UBN2: variants seen among roughly 807,000 people sequenced by gnomAD.
UBN2 encodes the protein ubinuclein 2.
In UBN2, 35 loss-of-function variants were observed where a neutral mutation model predicts 120.2. The ratio of observed to expected loss-of-function variants is 0.29; its 90% CI spans 0.22 to 0.39. UBN2 has a LOEUF of 0.39. Among genes scored for constraint, UBN2 ranks in the 10% least tolerant of loss-of-function variants. The pLI is 1.00. For missense variants in UBN2, 1,693 were observed against 1,663.2 expected (o/e 1.02, Z -0.31); for synonymous variants, 661 against 648.7 (o/e 1.02, Z -0.29).
At chr7:139,325,419 T>C in the UBN2 span, among the ~76,000 whole-genome samples, 53,921 of 151,574 alleles carry the variant, frequency 0.36, 11,937 homozygotes, top group African/African-American at 0.61. Context: ...AGGTGCCCAC[T>C]ACCACGCTCA....
rs2131064245 is a variant in UBN2 at position 139,293,182 on chromosome 7, AT to A, written c.3670-47del. On this transcript the variant is annotated intron_variant, in intron 15 of 17. Transcript: ENST00000473989. ...TGAGGATATTATAGAAAATAAATCA[AT>A]TTGGGTTGCTTTATTTCTTATGTAT... 3 of 1,457,738 alleles carry A rather than the reference AT, an allele frequency of 2.1e-6. No homozygotes were observed. In the East Asian group the frequency reaches 6.8e-5, roughly 33 times the overall value. The allele number at this position is 1,457,738 out of a possible 1,614,324, so 90.3% of individuals were successfully genotyped here.
chr7:139,240,536 G>C (rs1796293566), intron 2 of UBN2, among the ~76,000 whole-genome samples: 3 of 150,506 alleles, frequency 2.0e-5, no homozygotes, highest in South Asian at 4.2e-4. Context: ...ACATTGTCCT[G>C]CTGGGCGTTA....
chr7:139,293,763 C>T, intron 16 of UBN2, 126 bp from the exon 17 acceptor site: 2 of 829,950 alleles, frequency 2.4e-6, no homozygotes, highest in Non-Finnish European at 3.9e-6. Context: ...CAAAAACGTG[C>T]TCTAGTTTTA....
intron 13 of UBN2, 137 bp from the exon 14 acceptor site, chr7:139,281,868 C>A: frequency 1.4e-6 from 1 of 699,098 alleles, no homozygotes. Flanking sequence ...CATTTGTGAC[C>A]TTAATGCAGT....
chr7:139,264,928 T>G (rs1006247659), intron 6 of UBN2, among the ~76,000 whole-genome samples: 4 of 152,174 alleles, frequency 2.6e-5, no homozygotes, highest in Non-Finnish European at 2.9e-5. Context: ...TAGATATTTT[T>G]GGGGTACATG....
chr7:139,297,764 A>G, intron 17 of UBN2, 23 bp from the exon 18 acceptor site: 2 of 1,613,626 alleles, frequency 1.2e-6, no homozygotes, highest in Non-Finnish European at 1.7e-6. Context: ...GACCCATACC[A>G]ATTTAACGTC....
At chr7:139,326,893 G>A in the UBN2 span, among the ~76,000 whole-genome samples, 2 of 152,180 alleles carry the variant, frequency 1.3e-5, no homozygotes, top group African/African-American at 2.4e-5. Flanking sequence ...TGTTTTCACT[G>A]AACCAGATCT....
At chr7:139,250,171 T>G (rs1042290116) in intron 2 of UBN2, among the ~76,000 whole-genome samples, 5 of 152,086 alleles carry the variant, frequency 3.3e-5, no homozygotes, top group Admixed American at 6.5e-5. Context: ...AGCCTAGGTG[T>G]TCCAAGGTGA....
chr7:139,266,053 G>C (rs1797087406), intron 6 of UBN2, among the ~76,000 whole-genome samples: 1 of 151,608 alleles, frequency 6.6e-6, no homozygotes, highest in Non-Finnish European at 1.5e-5. Context: ...TCTACTGTTA[G>C]GAGATTCTTT....
At position 139,293,478 on chromosome 7, in the gene UBN2, T is replaced by C; in HGVS notation, c.3901+15T>C. ...CCTAACTCAGAGTAAGTGGGGCTCTTCTATTTGGTTGGGCTGTCTAGCTTG... is the reference window on the plus strand; with the variant it reads ...CCTAACTCAGAGTAAGTGGGGCTCTCCTATTTGGTTGGGCTGTCTAGCTTG... On this transcript the variant is annotated intron_variant, in intron 16 of 17. Transcript: ENST00000473989. The C allele has an allele frequency of 6.2e-7, 1 of 1,610,584 alleles. No homozygotes were observed. The highest frequency in any genetic ancestry group is 8.5e-7 in the Non-Finnish European group (1 of 1,176,808).
rs539810719 is a variant in UBN2, at chr7:139,232,008, C to T, written c.468+56C>T. ...CCCCGGGAGCCTCAGGACCCGCCGC[C>T]TTCCCCAGCTGGTTTGCACCTTGGG... is the stretch of plus-strand genomic sequence containing the variant. On this transcript the variant is annotated intron_variant, in intron 1 of 17. Transcript: ENST00000473989. The T allele has an allele frequency of 8.5e-6, 13 of 1,537,368 alleles. No homozygotes were observed. In the African/African-American group the frequency reaches 1.6e-4, roughly 18 times the overall value.
chr7:139,243,334 T>G (rs1480425947), intron 2 of UBN2, among the ~76,000 whole-genome samples: 2 of 152,200 alleles, frequency 1.3e-5, no homozygotes, highest in Non-Finnish European at 1.5e-5. Flanking sequence ...GTTTTGATTT[T>G]TATAAGATCT....
intron 17 of UBN2, among the ~76,000 whole-genome samples, chr7:139,296,212 T>G (rs555548668): frequency 1.2e-4 from 18 of 152,218 alleles, no homozygotes; most frequent in Non-Finnish European, 2.2e-4. Context: ...CAAAGGTCAG[T>G]AAAATTTTTC....
intron 7 of UBN2, among the ~76,000 whole-genome samples, 171 bp downstream of exon 7, chr7:139,266,574 A>G (rs1033437189): frequency 6.6e-6 from 1 of 152,146 alleles, no homozygotes; most frequent in Non-Finnish European, 1.5e-5. Flanking sequence ...TTCTGTATAT[A>G]TTGGTTTTCC....
At chr7:139,289,367 C>T (rs981755669) in intron 15 of UBN2, among the ~76,000 whole-genome samples, 1 of 149,500 alleles carries the variant, frequency 6.7e-6, no homozygotes, top group Non-Finnish European at 1.5e-5. Flanking sequence ...TTTTGCTATA[C>T]TTGAGTTATT....
In UBN2 at chr7:139,244,942, A is replaced by G. The variant is rs115739581; in HGVS notation, c.562-7014A>G. Among the ~76,000 whole-genome samples the G allele has an allele frequency of 7.7e-3, 1,170 of 151,768 alleles. 7 individuals carry two copies. Among genetic ancestry groups the G allele is most frequent in the African/African-American group, 0.019 (795 of 41,400 alleles). ...TCTCTATCACAATTTTTTAAAATTT[A>G]TTTATTTATTTTGGAGACAAGGTCT... On this transcript the variant is annotated intron_variant, in intron 2 of 17. Transcript: ENST00000473989.
rs759043955 is a variant in UBN2, at chr7:139,261,624, T to C, written c.1278T>C (p.Gly426=). ...GTAGCCCCCTATCTGAGTCGGGGGGTGAAAATGGAACCACCACCCAGCCAA... is the reference window on the plus strand; with the variant it reads ...GTAGCCCCCTATCTGAGTCGGGGGGCGAAAATGGAACCACCACCCAGCCAA... ...SDGSPLSESG[G]ENGTTTQPTY... is the part of the protein sequence containing the mutation. Residue 426 remains glycine (G), a synonymous_variant, in exon 6 of 18, where the codon GGT becomes GGC. Transcript: ENST00000473989. The C allele has an allele frequency of 4.3e-6, 7 of 1,613,948 alleles. No homozygotes were observed. Among genetic ancestry groups the C allele is most frequent in the Non-Finnish European group, 4.2e-6 (5 of 1,180,006 alleles).
At chr7:139,288,726 G>A (rs868658238) in intron 15 of UBN2, among the ~76,000 whole-genome samples, 7 of 152,082 alleles carry the variant, frequency 4.6e-5, no homozygotes, top group South Asian at 4.2e-4. Context: ...AATTGCGGCC[G>A]GTCGTGGTGG....
intron 7 of UBN2, among the ~76,000 whole-genome samples, chr7:139,269,035 C>T (rs569010149): frequency 6.6e-6 from 1 of 152,134 alleles, no homozygotes; most frequent in African/African-American, 2.4e-5. Context: ...GGTGAAACCC[C>T]ATCTCTACTA....
Sources: allele counts gnomAD v4.1 joint callset (sites outside exome capture counted in the v4.1 genomes callset), GRCh38; gene constraint gnomAD v4.1.1; transcripts MANE v1.5; gene names NCBI Gene and HGNC (gene_info 2026-07-23, HGNC 2026-07-21).